The following CACNA1C variants were observed in gnomAD, a reference collection of about 807,000 sequenced individuals.
The protein encoded by CACNA1C is calcium voltage-gated channel subunit alpha1 C, also known as voltage-dependent L-type calcium channel subunit alpha-1C.
A neutral mutation model predicts 229.0 loss-of-function variants in CACNA1C; 30 were observed. The observed-to-expected ratio is 0.13, with a 90% CI of 0.10 to 0.18. The LOEUF is 0.18. Among genes scored for constraint, CACNA1C ranks in the 10% least tolerant of loss-of-function variants. The pLI is 1.00. For synonymous variants in CACNA1C, 1,114 were observed against 1,132.5 expected (o/e 0.98, Z 0.33); for missense variants, 1,658 against 2,845.0 (o/e 0.58, Z 9.49).
intron 3 of CACNA1C, among the ~76,000 whole-genome samples, chr12:2,365,896 A>G (rs976999258): frequency 1.6e-4 from 25 of 152,204 alleles, no homozygotes; most frequent in Admixed American, 1.5e-3. Flanking sequence ...GTGTCTATCC[A>G]CTGACAGACC....
intron 3 of CACNA1C, among the ~76,000 whole-genome samples, chr12:2,129,874 C>T (rs1181138855): frequency 1.3e-5 from 2 of 152,104 alleles, no homozygotes; most frequent in African/African-American, 2.4e-5. Context: ...GGCTTGGGAA[C>T]CAGTTGATCA....
Position 2,632,757 on chromosome 12 carries a change from G to A in CACNA1C, c.3829-1540G>A, listed in dbSNP as rs2091085414. ...TCAGGAAACGCTTTGATCACCGCGT[G>A]CCCTCTGCGCGGCGTCTGCATTCAG... On this transcript the variant is annotated intron_variant, in intron 29 of 46. Transcript: ENST00000399655. This position sits in a 1 kb window ranked among gnomAD's most constrained non-coding sequence, Gnocchi z 4.1. 6.6e-6 allele frequency among the ~76,000 whole-genome samples: 1 copy of A among 152,120 alleles called. No homozygotes were observed. The highest frequency in any genetic ancestry group is 2.1e-4 in the South Asian group (1 of 4,820).
chr12:2,610,327 C>G (rs983801059), intron 27 of CACNA1C, among the ~76,000 whole-genome samples: 1 of 152,168 alleles, frequency 6.6e-6, no homozygotes, highest in African/African-American at 2.4e-5. Flanking sequence ...AAGGGGCTCT[C>G]TCCTTGATTA....
chr12:2,271,453 C>T (rs1454747486), intron 3 of CACNA1C, among the ~76,000 whole-genome samples: 2 of 152,190 alleles, frequency 1.3e-5, no homozygotes, highest in Non-Finnish European at 2.9e-5. Context: ...TCTTTCCATT[C>T]CAGCTCAGAC....
intron 13 of CACNA1C, among the ~76,000 whole-genome samples, chr12:2,572,745 C>T (rs1448907257): frequency 8.1e-6 from 1 of 123,682 alleles, no homozygotes; most frequent in Non-Finnish European, 1.7e-5. Flanking sequence ...CCTGCTCCTT[C>T]TCCTCTTCCT....
Position 2,691,366 on chromosome 12 carries a change from G to A in CACNA1C, c.*167G>A, listed in dbSNP as rs1263206759. 3 of 704,538 alleles carry A rather than the reference G, an allele frequency of 4.3e-6. No individual in the cohort carries two copies. The highest frequency in any genetic ancestry group is 1.9e-5 in the African/African-American group (1 of 53,956). 43.6% of individuals were successfully genotyped at this position (704,538 alleles called of 1,614,324 possible). On this transcript the variant is annotated 3_prime_UTR_variant, in exon 47 of 47. Transcript: ENST00000399655. Reference sequence around the variant, plus strand: ...CCTGGGTGCGCGAGCCGCCCTCCGGGAGGAAGGCGCCCGGCTGCGTCTGCA... The same window carrying A: ...CCTGGGTGCGCGAGCCGCCCTCCGGAAGGAAGGCGCCCGGCTGCGTCTGCA...
intron 3 of CACNA1C, among the ~76,000 whole-genome samples, chr12:2,281,998 A>G (rs1243372900): frequency 6.6e-6 from 1 of 151,972 alleles, no homozygotes; most frequent in Non-Finnish European, 1.5e-5. Flanking sequence ...CATTTTGGAT[A>G]GTTCCTATAC....
At chr12:2,111,385 A>G (rs2154129867) in intron 1 of CACNA1C, among the ~76,000 whole-genome samples, 1 of 151,090 alleles carries the variant, frequency 6.6e-6, no homozygotes, top group South Asian at 2.2e-4. Flanking sequence ...TGCTCCCCTC[A>G]CGCAGCTTTT....
chr12:2,496,729 G>A (rs1451032668), intron 7 of CACNA1C, among the ~76,000 whole-genome samples: 4 of 152,358 alleles, frequency 2.6e-5, no homozygotes, highest in Admixed American at 6.5e-5. Context: ...CCAACAAGCC[G>A]AGCAATTTGC....
intron 9 of CACNA1C, among the ~76,000 whole-genome samples, chr12:2,542,641 A>G (rs1193604392): frequency 2.6e-5 from 4 of 152,204 alleles, no homozygotes; most frequent in African/African-American, 7.2e-5. Flanking sequence ...CTCCCCTAGC[A>G]CAGCTGGTGT....
chr12:2,123,381 A>AG (rs1367247679), intron 3 of CACNA1C, among the ~76,000 whole-genome samples: 1 of 151,438 alleles, frequency 6.6e-6, no homozygotes, highest in Non-Finnish European at 1.5e-5. Context: ...ATCTCAAAAA[A>AG]AAAAAAAAAA....
intron 9 of CACNA1C, among the ~76,000 whole-genome samples, chr12:2,528,237 T>G (rs2099828907): frequency 6.6e-6 from 1 of 152,170 alleles, no homozygotes; most frequent in Non-Finnish European, 1.5e-5. Flanking sequence ...CCTCTCCCAG[T>G]TTCCTTGCTT....
intron 34 of CACNA1C, among the ~76,000 whole-genome samples, chr12:2,658,059 C>G (rs969736790): frequency 2.6e-5 from 4 of 151,392 alleles, no homozygotes; most frequent in Non-Finnish European, 5.9e-5. Flanking sequence ...ACCAAATAGA[C>G]CAAAATAGAA....
intron 3 of CACNA1C, among the ~76,000 whole-genome samples, chr12:2,189,655 G>T (rs2097152832): frequency 1.3e-5 from 2 of 152,182 alleles, no homozygotes; most frequent in Admixed American, 6.5e-5. Flanking sequence ...ACCTGTAGGG[G>T]CAGGGAAACC....
chr12:2,388,050 C>T (rs1161951759), intron 3 of CACNA1C, among the ~76,000 whole-genome samples: 1 of 152,068 alleles, frequency 6.6e-6, no homozygotes, highest in Non-Finnish European at 1.5e-5. Flanking sequence ...GTTTCAGAAG[C>T]AGAATCATGT....
intron 1 of CACNA1C, among the ~76,000 whole-genome samples, chr12:2,112,138 C>T (rs551203072): frequency 2.0e-5 from 3 of 152,272 alleles, no homozygotes; most frequent in South Asian, 2.1e-4. Context: ...AGCAACCCTC[C>T]GTCGCCCCAT....
rs1215206365 is a variant in CACNA1C, at chr12:2,486,971, T to C, written c.916+709T>C. On this transcript the variant is annotated intron_variant, in intron 6 of 46. Coordinates refer to ENST00000399655, the MANE Select transcript of CACNA1C (RefSeq NM_000719.7). This position sits in a 1 kb window ranked among gnomAD's most constrained non-coding sequence, Gnocchi z 4.9. ...AAATCAATATATTTAACAGCAATGC[T>C]GGCTCATTAGGCGCTTCCCTGCGTG... Among the ~76,000 whole-genome samples the C allele has an allele frequency of 1.3e-5, 2 of 152,246 alleles. No homozygotes were observed. Among genetic ancestry groups the C allele is most frequent in the Admixed American group, 1.3e-4 (2 of 15,288 alleles).
Position 1,989,441 on chromosome 12 carries a change from G to A in CACNA1C, c.139+18240G>A, listed in dbSNP as rs146306766. On this transcript the variant is annotated intron_variant, in intron 1 of 46. Transcript: ENST00000682462. ...GAAAGGGAAAGGAAAGGGGCTGGGCGTGGTGGCTCACGCCTATAATCCCAG... is the reference window on the plus strand; with the variant it reads ...GAAAGGGAAAGGAAAGGGGCTGGGCATGGTGGCTCACGCCTATAATCCCAG... Among the ~76,000 whole-genome samples the A allele has an allele frequency of 5.1e-3, 784 of 152,304 alleles. 5 individuals carry two copies. The highest frequency in any genetic ancestry group is 0.018 in the African/African-American group (730 of 41,580).
intron 3 of CACNA1C, among the ~76,000 whole-genome samples, chr12:2,314,942 T>C (rs2095611902): frequency 6.6e-6 from 1 of 152,200 alleles, no homozygotes; most frequent in South Asian, 2.1e-4. Flanking sequence ...GTAGAAAATG[T>C]GAGAACATTT....
Sources: allele counts gnomAD v4.1 joint callset (sites outside exome capture counted in the v4.1 genomes callset), GRCh38; gene constraint gnomAD v4.1.1; non-coding constraint Gnocchi (gnomAD v3.1); transcripts MANE v1.5; gene names NCBI Gene and HGNC (gene_info 2026-07-23, HGNC 2026-07-21).